Variants in AKT1 observed in about 807,000 individuals in gnomAD.
The protein encoded by AKT1 is AKT serine/threonine kinase 1, also known as RAC-alpha serine/threonine-protein kinase.
AKT1 carries 21 observed loss-of-function variants against 63.1 expected under a neutral mutation model. That is an observed-to-expected ratio of 0.33 (90% CI 0.24 to 0.48). The LOEUF (loss-of-function observed/expected upper bound fraction) is 0.48, where lower values mean the gene tolerates loss of function less well. AKT1 is among the 20% of genes least tolerant of loss of function. AKT1 has a pLI of 0.99. For missense variants in AKT1, 382 were observed against 666.0 expected (o/e 0.57, Z 4.69); for synonymous variants, 257 against 253.1 (o/e 1.02, Z -0.15).
At chr14:104,782,702 G>A (rs1342443385) in intron 3 of AKT1, among the ~76,000 whole-genome samples, 1 of 152,144 alleles carries the variant, frequency 6.6e-6, no homozygotes, top group Non-Finnish European at 1.5e-5. Context: ...ACGGCGATCA[G>A]GGCCTACCCC....
intron 12 of AKT1, 27 bp from the exon 13 acceptor site, chr14:104,772,479 G>A (rs1892449708): frequency 6.2e-7 from 1 of 1,610,794 alleles, no homozygotes; most frequent in East Asian, 2.2e-5. Flanking sequence ...AGGCCACAGT[G>A]TCGGTACCGC....
At position 104,795,219 on chromosome 14, in the gene AKT1, C is replaced by A. The variant is rs1893829775; in HGVS notation, c.-258+265G>T. On this transcript the variant is annotated intron_variant, in intron 1 of 14. Coordinates refer to ENST00000649815, the MANE Select transcript of AKT1 (RefSeq NM_001382430.1). The surrounding 1 kb of genome is among the most constrained non-coding windows in gnomAD (Gnocchi z 5.1). ...CCTTCTCTCGGGTCCCGGCCTCGCCCGGCGGAGCGGCCTCCCCAAGGTCAT... is the reference window on the plus strand; with the variant it reads ...CCTTCTCTCGGGTCCCGGCCTCGCCAGGCGGAGCGGCCTCCCCAAGGTCAT... 6.6e-6 allele frequency among the ~76,000 whole-genome samples: 1 copy of A among 151,764 alleles called. No individual in the cohort carries two copies. The highest frequency in any genetic ancestry group is 1.5e-5 in the Non-Finnish European group (1 of 67,876).
At chr14:104,777,843 G>C in intron 4 of AKT1, 1 of 387,984 alleles carries the variant, frequency 2.6e-6, no homozygotes, top group South Asian at 1.1e-4. Context: ...CCAGCCTGGT[G>C]GGGAGGGTGG....
intron 2 of AKT1, 105 bp from the exon 3 acceptor site, chr14:104,792,827 CGCACCTGCCTTCCCAGGTGG>C: frequency 1.5e-6 from 1 of 676,690 alleles, no homozygotes; most frequent in Non-Finnish European, 2.6e-6. Context: ...GGGCTCCACC[CGCACCTGCCTTCCCAGGTGG>C]GCTGCCATCC....
intron 13 of AKT1, chr14:104,771,792 GTGA>G (rs1892400712): frequency 8.4e-6 from 2 of 237,720 alleles, no homozygotes; most frequent in Non-Finnish European, 1.7e-5. Context: ...ATCAGCTGGG[GTGA>G]TGGCCAGGGC....
chr14:104,779,727 G>A (rs1010173680), intron 4 of AKT1, among the ~76,000 whole-genome samples: 79 of 146,672 alleles, frequency 5.4e-4, no homozygotes, highest in East Asian at 2.0e-3. Context: ...AGCCAGCCTC[G>A]GCCTCGGGAC....
chr14:104,783,721 A>G (rs1230415624), intron 3 of AKT1, among the ~76,000 whole-genome samples: 3 of 152,116 alleles, frequency 2.0e-5, no homozygotes, highest in Non-Finnish European at 4.4e-5. Context: ...GAGACCGCCC[A>G]GCATTCAGGC....
chr14:104,775,710 C>A lies in AKT1; in HGVS notation c.377G>T (p.Ser126Ile). Reference protein sequence around the residue: ...EEMDFRSGSPSDNSGAEEMEV... With the variant: ...EEMDFRSGSPIDNSGAEEMEV... The stretch of plus-strand genomic sequence containing the variant: ...CATCTCTTCAGCCCCTGAGTTGTCA[C>A]TGGGTGAGCCCGACCGGAAGTCCAT... Residue 126 changes from serine to isoleucine, a missense_variant, in exon 6 of 15, where the codon AGT becomes ATT. Physicochemically the swap from Ser to Ile is moderately radical, Grantham distance 142 (BLOSUM62 -2). This residue lies in a region of AKT1 where 226 missense variants were observed against 366.4 expected (regional missense o/e 0.62). Coordinates refer to ENST00000649815, the MANE Select transcript of AKT1 (RefSeq NM_001382430.1). 1 of 1,614,080 alleles carries A rather than the reference C, an allele frequency of 6.2e-7. No homozygotes were observed.
At chr14:104,782,693 C>T (rs1026237377) in intron 3 of AKT1, among the ~76,000 whole-genome samples, 1 of 152,192 alleles carries the variant, frequency 6.6e-6, no homozygotes, top group African/African-American at 2.4e-5. Flanking sequence ...AGGGAACAGA[C>T]GGCGATCAGG....
intron 3 of AKT1, among the ~76,000 whole-genome samples, chr14:104,785,733 T>C (rs10142069): frequency 0.3 from 45,683 of 151,812 alleles, 7,318 homozygotes; most frequent in African/African-American, 0.38. Context: ...ATTCTTCACC[T>C]CCTTCCGCTC....
At chr14:104,780,286 G>T (rs1218377904) in intron 3 of AKT1, 70 bp from the exon 4 acceptor site, 2 of 1,579,264 alleles carry the variant, frequency 1.3e-6, no homozygotes, top group African/African-American at 2.7e-5. Context: ...AGCCAGGCAG[G>T]AACTGGGTGT....
intron 3 of AKT1, among the ~76,000 whole-genome samples, chr14:104,788,708 C>T (rs1452213970): frequency 2.0e-5 from 3 of 152,150 alleles, no homozygotes; most frequent in Non-Finnish European, 1.5e-5. Context: ...GACTTCAAGG[C>T]GGGGAGAGGG....
rs200056677 is a variant in AKT1, at chr14:104,788,389, CACAA to C, written c.46+4205_46+4208del. Among the ~76,000 whole-genome samples the C allele has an allele frequency of 5.8e-3, 889 of 152,328 alleles. 10 individuals are homozygous for C. Among genetic ancestry groups the C allele is most frequent in the African/African-American group, 0.02 (822 of 41,576 alleles). On this transcript the variant is annotated intron_variant, in intron 3 of 14. Transcript: ENST00000649815. ...GGGTAATGAGCAGCCTCCATCTGCA[CACAA>C]ACAATTAGCCCTGCGGGGCCCTCCG...
At chr14:104,774,514 AAC>A (rs1446213374) in intron 8 of AKT1, 7 of 240,056 alleles carry the variant, frequency 2.9e-5, no homozygotes, top group Admixed American at 5.0e-5. Flanking sequence ...ATCGTCCCCA[AAC>A]ACAGTGACCT....
At chr14:104,792,886 G>A (rs996205566) in intron 2 of AKT1, 164 bp from the exon 3 acceptor site, 29 of 599,218 alleles carry the variant, frequency 4.8e-5, no homozygotes, top group African/African-American at 4.4e-4. Context: ...CCATCTGCCC[G>A]CCTGCCTTCC....
In AKT1 at chr14:104,773,918, C is replaced by T. The variant is rs201006619; in HGVS notation, c.696G>A (p.Gly232=). ...CCGCAGCCCCAGCCCCTACCTCGCC[C>T]CCGTTGGCGTACTCCATGACAAAGC... ...RLCFVMEYAN[G]GELFFHLSRE... The change falls in exon 9 of 15, where the codon GGG becomes GGA. Residue 232 remains glycine, a synonymous_variant. Transcript: ENST00000649815. The T allele has an allele frequency of 2.2e-5, 36 of 1,610,032 alleles. No homozygotes were observed. The highest frequency in any genetic ancestry group is 2.9e-5 in the Non-Finnish European group (34 of 1,178,100).
In AKT1 at chr14:104,795,557, C is replaced by G. The variant is rs937255603; in HGVS notation, c.-331G>C. 1.4e-5 allele frequency: 2 copies of G among 145,916 alleles called. No individual in the cohort carries two copies. The highest frequency in any genetic ancestry group is 6.8e-5 in the Admixed American group (1 of 14,726). The allele number at this position is 145,916 out of a possible 1,614,324, so 9.0% of individuals were successfully genotyped here. A position where few individuals can be genotyped will look rare whatever the true frequency, so the allele number is the denominator to read the frequency against. On this transcript the variant is annotated 5_prime_UTR_variant, in exon 1 of 15. Coordinates refer to ENST00000649815, the MANE Select transcript of AKT1 (RefSeq NM_001382430.1). The surrounding 1 kb of genome is among the most constrained non-coding windows in gnomAD (Gnocchi z 5.1). ...TCCGGCGCCCGCCGCTCCGCATCCC[C>G]GCGGGCCGGCGCTGGGCGGGGCCGG...
At chr14:104,776,171 G>A (rs902243474) in intron 5 of AKT1, 58 of 233,330 alleles carry the variant, frequency 2.5e-4, no homozygotes, top group African/African-American at 1.2e-3. Context: ...TTTTTGAGAC[G>A]GAGTCTTGCT....
rs960235921 is a variant in AKT1, at chr14:104,769,781, A to C, written c.*560T>G. 2 of 386,124 alleles carry C rather than the reference A, an allele frequency of 5.2e-6. No individual in the cohort carries two copies. The highest frequency in any genetic ancestry group is 4.4e-5 in the Admixed American group (1 of 22,632). The allele number at this position is 386,124 out of a possible 1,614,324, so 23.9% of individuals were successfully genotyped here. On this transcript the variant is annotated 3_prime_UTR_variant, in exon 15 of 15. Coordinates refer to ENST00000649815, the MANE Select transcript of AKT1 (RefSeq NM_001382430.1). The stretch of plus-strand genomic sequence containing the variant: ...TGGCCCATCCCCCATCCCTGGTCCC[A>C]TCCCAGGGGCCCAGCCTCCGATGAC...
Sources: allele counts gnomAD v4.1 joint callset (sites outside exome capture counted in the v4.1 genomes callset), GRCh38; gene constraint gnomAD v4.1.1; regional missense constraint gnomAD v4.1.1; non-coding constraint Gnocchi (gnomAD v3.1); transcripts MANE v1.5; gene names NCBI Gene and HGNC (gene_info 2026-07-23, HGNC 2026-07-21).